The following STIM1 variants were observed in gnomAD, a reference collection of about 807,000 sequenced individuals.
STIM1 encodes stromal interaction molecule 1.
In STIM1, 25 loss-of-function variants were observed where a neutral mutation model predicts 74.7. That is an observed-to-expected ratio of 0.33 (90% confidence interval 0.24 to 0.47). STIM1 has a LOEUF of 0.47. Among genes scored for constraint, STIM1 ranks in the 20% least tolerant of loss-of-function variants. The pLI is 1.00. For synonymous variants in STIM1, 328 were observed against 348.8 expected, an observed-to-expected ratio of 0.94 and a Z score of 0.66; for missense variants, 728 against 920.8, an observed-to-expected ratio of 0.79 and a Z score of 2.71.
chr11:4,082,812 G>A, intron 8 of STIM1, 70 bp from the exon 9 acceptor site: 1 of 1,307,736 alleles, frequency 7.6e-7, no homozygotes. Context: ...CAGCCATAGG[G>A]GAAGGCCTTT....
chr11:3,866,470 T>C (rs1046987431), intron 1 of STIM1, among the ~76,000 whole-genome samples: 1 of 148,270 alleles, frequency 6.7e-6, no homozygotes, highest in African/African-American at 2.5e-5. Flanking sequence ...CTCTGTCCCC[T>C]GGCTGGAGTG....
chr11:3,995,478 G>C (rs1445340311), intron 2 of STIM1, among the ~76,000 whole-genome samples: 1 of 152,122 alleles, frequency 6.6e-6, no homozygotes, highest in Non-Finnish European at 1.5e-5. Context: ...AACTTTGACT[G>C]TCTCTTTCCC....
chr11:4,091,180 C>T lies in STIM1; in HGVS notation c.1635-102C>T, dbSNP rs73417174. ...GCCGCTCTATCCCCATTTTCCTACC[C>T]TGTCCTTGTCTTCTCGTGTTGTCCC... On this transcript the variant is annotated intron_variant, in intron 12 of 12. Coordinates refer to ENST00000526596, the MANE Select transcript of STIM1 (RefSeq NM_001382567.1). 4.5e-3 allele frequency: 6,866 copies of T among 1,542,120 alleles called. 238 individuals carry two copies. In the African/African-American group the frequency reaches 0.083, roughly 19 times the overall value.
intron 1 of STIM1, among the ~76,000 whole-genome samples, chr11:3,917,727 C>A (rs1321924050): frequency 2.0e-5 from 3 of 152,130 alleles, no homozygotes; most frequent in Non-Finnish European, 4.4e-5. Context: ...AGCCACCGTA[C>A]CCAGCCTTGT....
At position 4,030,915 on chromosome 11, in the gene STIM1, A is replaced by T. The variant is rs528876367; in HGVS notation, c.385+6928A>T. ...TTAAAAAGATATTTATTGAGTTGCA[A>T]TTGACATACAAAAAGGTGTAAATCT... On this transcript the variant is annotated intron_variant, in intron 3 of 12. Transcript: ENST00000526596. Among the ~76,000 whole-genome samples, 80 of 152,332 alleles carry T rather than the reference A, an allele frequency of 5.3e-4. No homozygotes were observed. In the South Asian group the frequency reaches 0.012, roughly 22 times the overall value.
At position 4,023,870 on chromosome 11, in the gene STIM1, C is replaced by T. The variant is rs561797617; in HGVS notation, c.271-3C>T. Reference sequence around the variant, plus strand: ...TTGTGACTTGTGTACTTTTCCCTTGCAGTTCCTGAGGGAAGACCTCAATTA... The same window carrying T: ...TTGTGACTTGTGTACTTTTCCCTTGTAGTTCCTGAGGGAAGACCTCAATTA... On this transcript the variant is annotated splice_region_variant and splice_polypyrimidine_tract_variant and intron_variant, in intron 2 of 12. Coordinates refer to ENST00000526596, the MANE Select transcript of STIM1 (RefSeq NM_001382567.1). 14 of 1,610,040 alleles carry T rather than the reference C, an allele frequency of 8.7e-6. No homozygotes were observed. In the South Asian group the frequency reaches 9.9e-5, roughly 11 times the overall value.
rs150988991 is a variant in STIM1, at chr11:3,889,555, A to G, written c.139+33146A>G. Among the ~76,000 whole-genome samples the G allele has an allele frequency of 3.9e-5, 6 of 152,062 alleles. 1 individual carries two copies. The East Asian group carries it at 9.7e-4, about 25-fold the overall frequency. On this transcript the variant is annotated intron_variant, in intron 1 of 12. Coordinates refer to ENST00000526596, the MANE Select transcript of STIM1 (RefSeq NM_001382567.1). ...GCTAATTTTTTTATTTTTATTTTTTAGTAGAGATGGAGTTTCACCGTGGAT... is the reference window on the plus strand; with the variant it reads ...GCTAATTTTTTTATTTTTATTTTTTGGTAGAGATGGAGTTTCACCGTGGAT...
chr11:3,925,706 A>G (rs1301133279), intron 1 of STIM1, among the ~76,000 whole-genome samples: 3 of 152,172 alleles, frequency 2.0e-5, no homozygotes, highest in African/African-American at 7.2e-5. Context: ...ATAAAGTTTT[A>G]TTGGAACAAA....
At chr11:4,016,727 C>G (rs1162676968) in intron 2 of STIM1, among the ~76,000 whole-genome samples, 1 of 152,204 alleles carries the variant, frequency 6.6e-6, no homozygotes, top group African/African-American at 2.4e-5. Context: ...CTCCTTGCCA[C>G]TTTATTTACA....
At chr11:4,018,458 C>CAAAAAAAAAAAAAAAAAAAAAA (rs1157096857) in intron 2 of STIM1, among the ~76,000 whole-genome samples, 1 of 20,536 alleles carries the variant, frequency 4.9e-5, no homozygotes, top group Non-Finnish European at 1.4e-4. Context: ...GACTCCGTCT[C>CAAAAAAAAAAAAAAAAAAAAAA]AAAAAAAAAA....
chr11:3,991,158 T>C (rs2093606791), intron 2 of STIM1, among the ~76,000 whole-genome samples: 1 of 149,386 alleles, frequency 6.7e-6, no homozygotes, highest in Admixed American at 6.8e-5. Flanking sequence ...GTACCACATT[T>C]TCTTTCCTTT....
At chr11:4,045,762 C>CTTTTTTTTT (rs35939527) in intron 3 of STIM1, among the ~76,000 whole-genome samples, 2 of 104,486 alleles carry the variant, frequency 1.9e-5, no homozygotes, top group East Asian at 5.7e-4. Context: ...CTCAACACTT[C>CTTTTTTTTT]TTTTTTTTTT....
intron 5 of STIM1, among the ~76,000 whole-genome samples, chr11:4,065,387 T>C (rs1393115156): frequency 6.6e-6 from 1 of 152,144 alleles, no homozygotes; most frequent in East Asian, 1.9e-4. Context: ...CTTCAAGCTT[T>C]CTCCAGGATG....
chr11:4,067,561 G>A (rs2094376058), intron 5 of STIM1, among the ~76,000 whole-genome samples: 1 of 152,236 alleles, frequency 6.6e-6, no homozygotes, highest in Admixed American at 6.5e-5. Flanking sequence ...TATGAAAGCT[G>A]TAGTGAGAAA....
intron 3 of STIM1, among the ~76,000 whole-genome samples, chr11:4,052,730 G>T (rs1182898220): frequency 2.0e-5 from 3 of 152,084 alleles, no homozygotes; most frequent in Admixed American, 6.5e-5. Flanking sequence ...AAGCCAAAAT[G>T]GACAAATGGA....
intron 3 of STIM1, among the ~76,000 whole-genome samples, chr11:4,037,045 T>TTTTC (rs569371992): frequency 1.4e-4 from 21 of 152,076 alleles, no homozygotes; most frequent in African/African-American, 4.8e-4. Flanking sequence ...TTTTCCTTTC[T>TTTTC]TTTCTTTCTT....
At chr11:4,028,934 TC>T (rs540047943) in intron 3 of STIM1, among the ~76,000 whole-genome samples, 179 of 151,998 alleles carry the variant, frequency 1.2e-3, no homozygotes, top group African/African-American at 4.1e-3. Flanking sequence ...ACGCCTGTAA[TC>T]CCAGCACTTT....
intron 3 of STIM1, among the ~76,000 whole-genome samples, chr11:4,050,673 G>A (rs964854645): frequency 1.3e-5 from 2 of 152,252 alleles, no homozygotes; most frequent in Non-Finnish European, 2.9e-5. Flanking sequence ...CAACACAGGG[G>A]TTAGGGGTGC....
At chr11:4,064,917 C>A (rs548138299) in intron 5 of STIM1, among the ~76,000 whole-genome samples, 1 of 152,292 alleles carries the variant, frequency 6.6e-6, no homozygotes, top group Admixed American at 6.5e-5. Context: ...GAGATGTTAT[C>A]CATCTTCTAC....
Sources: gnomAD v4.1 joint callset for allele counts (sites outside exome capture counted in the v4.1 genomes callset) on GRCh38, gnomAD v4.1.1 for gene constraint, MANE v1.5 for transcripts, NCBI Gene and HGNC (gene_info 2026-07-23, HGNC 2026-07-21) for gene names.